Variants in RASSF8 observed in about 807,000 individuals in gnomAD.
The protein encoded by RASSF8 is Ras association domain family member 8.
RASSF8 carries 22 observed loss-of-function variants against 48.5 expected under a neutral mutation model. That is an observed-to-expected ratio of 0.45 (90% CI 0.32 to 0.65). The LOEUF is 0.65. Ranked by LOEUF, RASSF8 falls within the 30% of genes least tolerant of loss-of-function variation. The pLI, the probability that RASSF8 is intolerant of heterozygous loss-of-function variation, is 0.03. For missense variants in RASSF8, 418 were observed against 489.2 expected, an observed-to-expected ratio of 0.85 and a Z score of 1.37; for synonymous variants, 127 against 171.5, an observed-to-expected ratio of 0.74 and a Z score of 2.03.
chr12:26,048,019 G>A (rs1943409117), intron 2 of RASSF8, among the ~76,000 whole-genome samples: 1 of 152,234 alleles, frequency 6.6e-6, no homozygotes, highest in African/African-American at 2.4e-5. Flanking sequence ...AAAGCAGGAA[G>A]CCCAGTCCAT....
chr12:25,989,279 T>G (rs1266459856), intron 1 of RASSF8, among the ~76,000 whole-genome samples: 2 of 152,210 alleles, frequency 1.3e-5, no homozygotes, highest in Non-Finnish European at 2.9e-5. Flanking sequence ...TAGTATGTCC[T>G]GATTTCACAT....
At chr12:26,028,681 T>G (rs567944003) in intron 2 of RASSF8, among the ~76,000 whole-genome samples, 1 of 152,348 alleles carries the variant, frequency 6.6e-6, no homozygotes, top group South Asian at 2.1e-4. Context: ...TGTCAGCTCC[T>G]TCTTGTATTA....
At chr12:25,984,244 T>TTTC (rs1941817030) in intron 1 of RASSF8, among the ~76,000 whole-genome samples, 2 of 130,804 alleles carry the variant, frequency 1.5e-5, no homozygotes, top group African/African-American at 2.8e-5. Context: ...TTTTTTTTTT[T>TTTC]TTTTTTAGTT....
chr12:26,051,661 G>T (rs999811046), intron 2 of RASSF8, among the ~76,000 whole-genome samples: 1 of 152,132 alleles, frequency 6.6e-6, no homozygotes, highest in Admixed American at 6.5e-5. Context: ...TTTATGCACT[G>T]CTGATTAAAA....
downstream of RASSF8, among the ~76,000 whole-genome samples, chr12:26,073,803 C>A (rs569594039): frequency 9.4e-6 from 1 of 106,540 alleles, no homozygotes; most frequent in African/African-American, 3.8e-5. Context: ...TATGTATACA[C>A]ACACATATAT....
At chr12:26,048,734 T>C (rs914739407) in intron 2 of RASSF8, among the ~76,000 whole-genome samples, 1 of 151,924 alleles carries the variant, frequency 6.6e-6, no homozygotes, top group Non-Finnish European at 1.5e-5. Flanking sequence ...TTTTGTTTTG[T>C]TTTTTGTTTG....
intron 2 of RASSF8, among the ~76,000 whole-genome samples, chr12:26,050,872 A>G (rs1329840371): frequency 6.6e-6 from 1 of 152,160 alleles, no homozygotes; most frequent in East Asian, 1.9e-4. Flanking sequence ...TCTTAGCATG[A>G]TTTAGCACCT....
In RASSF8 at chr12:26,032,027, A is replaced by G. The variant is rs767181670; in HGVS notation, c.-108-23209A>G. On this transcript the variant is annotated intron_variant, in intron 2 of 5. Coordinates refer to ENST00000689635, the MANE Select transcript of RASSF8 (RefSeq NM_001394098.1). ...ACAGTACATGAAGGAAACTTCCCAT[A>G]TCCCAGAAGTAGTGACTTAGGAGAA... 6.4e-4 allele frequency among the ~76,000 whole-genome samples: 98 copies of G among 152,194 alleles called. 1 individual carries two copies. Among genetic ancestry groups the G allele is most frequent in the Admixed American group, 6.4e-3 (98 of 15,280 alleles).
chr12:25,992,353 T>C (rs572761353), intron 1 of RASSF8, among the ~76,000 whole-genome samples: 7 of 152,368 alleles, frequency 4.6e-5, no homozygotes, highest in Admixed American at 2.0e-4. Flanking sequence ...CTCTCCTGTT[T>C]AGCTCTATGA....
chr12:25,964,440 G>A (rs1272246357), intron 1 of RASSF8, among the ~76,000 whole-genome samples: 2 of 152,166 alleles, frequency 1.3e-5, no homozygotes, highest in Admixed American at 1.3e-4. Flanking sequence ...AGATGTAAAT[G>A]CAGGTTATAA....
At chr12:25,981,351 C>G (rs1941739182) in intron 1 of RASSF8, among the ~76,000 whole-genome samples, 2 of 152,194 alleles carry the variant, frequency 1.3e-5, no homozygotes, top group African/African-American at 4.8e-5. Context: ...CCCTGCTCAA[C>G]AGTCTCCATA....
intron 1 of RASSF8, among the ~76,000 whole-genome samples, chr12:25,966,348 CAT>C (rs1264127989): frequency 2.0e-5 from 3 of 152,154 alleles, no homozygotes; most frequent in African/African-American, 7.2e-5. Context: ...GGACCACACA[CAT>C]GTGCCACCAT....
At chr12:25,960,612 A>C (rs1008004194) in intron 1 of RASSF8, among the ~76,000 whole-genome samples, 2 of 152,236 alleles carry the variant, frequency 1.3e-5, no homozygotes, top group African/African-American at 4.8e-5. Context: ...ATCAAGTACA[A>C]CAAAATATAA....
At chr12:25,987,261 C>T (rs1941907635) in intron 1 of RASSF8, among the ~76,000 whole-genome samples, 1 of 152,158 alleles carries the variant, frequency 6.6e-6, no homozygotes, top group South Asian at 2.1e-4. Context: ...CATTTGGAGC[C>T]GTTGCTAGGC....
chr12:25,992,732 G>A (rs550470161), intron 1 of RASSF8, among the ~76,000 whole-genome samples: 41 of 152,310 alleles, frequency 2.7e-4, no homozygotes, highest in Non-Finnish European at 8.8e-5. Flanking sequence ...GGGAAGGGAT[G>A]TGAAGGGGTT....
chr12:25,984,210 A>C (rs1333806347), intron 1 of RASSF8, among the ~76,000 whole-genome samples: 6 of 143,386 alleles, frequency 4.2e-5, no homozygotes, highest in Non-Finnish European at 7.5e-5. Flanking sequence ...ACAGATGTGC[A>C]CTGCTACACG....
At chr12:26,025,073 C>T (rs1178497596) in intron 2 of RASSF8, among the ~76,000 whole-genome samples, 1 of 152,072 alleles carries the variant, frequency 6.6e-6, no homozygotes, top group African/African-American at 2.4e-5. Flanking sequence ...TGATAAAAAA[C>T]ATTCAACAAA....
At chr12:25,976,021 T>G (rs929122167) in intron 1 of RASSF8, among the ~76,000 whole-genome samples, 3 of 152,086 alleles carry the variant, frequency 2.0e-5, no homozygotes, top group Non-Finnish European at 4.4e-5. Context: ...CACCCAGAAA[T>G]TTTGGACCTT....
chr12:26,063,405 G>GTTTTT (rs547055420), intron 3 of RASSF8, among the ~76,000 whole-genome samples: 1 of 147,612 alleles, frequency 6.8e-6, no homozygotes. Flanking sequence ...TGTTTGTTTT[G>GTTTTT]TTTTTTTTTT....
Sources: gnomAD v4.1 joint callset for allele counts (sites outside exome capture counted in the v4.1 genomes callset) on GRCh38, gnomAD v4.1.1 for gene constraint, MANE v1.5 for transcripts, NCBI Gene and HGNC (gene_info 2026-07-23, HGNC 2026-07-21) for gene names.